The following DMXL1 variants were observed in gnomAD, a reference collection of about 807,000 sequenced individuals.
The protein encoded by DMXL1 is dmX-like protein 1.
In DMXL1, 99 loss-of-function variants were observed where a neutral mutation model predicts 319.2. That is an observed-to-expected ratio of 0.31 (90% CI 0.26 to 0.37). DMXL1 has a LOEUF of 0.37. Ranked by LOEUF, DMXL1 falls within the 10% of genes least tolerant of loss-of-function variation. The pLI is 1.00. For synonymous variants in DMXL1, 1,385 were observed against 1,235.2 expected, an observed-to-expected ratio of 1.12 and a Z score of -2.54; for missense variants, 3,745 against 3,595.6, an observed-to-expected ratio of 1.04 and a Z score of -1.06.
At chr5:119,108,650 G>T (rs1348680724) in intron 4 of DMXL1, among the ~76,000 whole-genome samples, 1 of 152,086 alleles carries the variant, frequency 6.6e-6, no homozygotes, top group Non-Finnish European at 1.5e-5. Context: ...GAACTCCTGG[G>T]CTCAAGCAGT....
At chr5:119,182,590 A>G (rs1470778297) in intron 28 of DMXL1, among the ~76,000 whole-genome samples, 1 of 152,022 alleles carries the variant, frequency 6.6e-6, no homozygotes, top group Non-Finnish European at 1.5e-5. Context: ...TATATACTTA[A>G]TGTATTCTTG....
intron 19 of DMXL1, among the ~76,000 whole-genome samples, chr5:119,162,380 T>G: frequency 6.6e-6 from 1 of 152,138 alleles, no homozygotes; most frequent in Non-Finnish European, 1.5e-5. Flanking sequence ...AATTTGTAAA[T>G]AGGAACAAGT....
At chr5:119,207,829 C>G (rs924728811) in intron 34 of DMXL1, among the ~76,000 whole-genome samples, 2 of 152,250 alleles carry the variant, frequency 1.3e-5, no homozygotes, top group South Asian at 2.1e-4. Context: ...GCCAATTCAA[C>G]TACGACTTTA....
At chr5:119,076,755 AC>A (rs1750972419) in intron 1 of DMXL1, among the ~76,000 whole-genome samples, 1 of 152,212 alleles carries the variant, frequency 6.6e-6, no homozygotes, top group African/African-American at 2.4e-5. Context: ...AAACTAGAAT[AC>A]TGACTGTTAC....
intron 34 of DMXL1, among the ~76,000 whole-genome samples, chr5:119,215,336 C>T (rs1034295598): frequency 6.8e-6 from 1 of 146,944 alleles, no homozygotes; most frequent in Non-Finnish European, 1.5e-5. Flanking sequence ...GAGACAGGGT[C>T]TTGCTCTGTT....
chr5:119,198,858 T>C (rs1385375477), intron 32 of DMXL1, among the ~76,000 whole-genome samples: 2 of 152,188 alleles, frequency 1.3e-5, no homozygotes, highest in African/African-American at 4.8e-5. Flanking sequence ...ATTTCATCAC[T>C]CAGGTAGTAC....
intron 5 of DMXL1, among the ~76,000 whole-genome samples, chr5:119,111,620 G>C (rs950126677): frequency 6.6e-6 from 1 of 152,118 alleles, no homozygotes; most frequent in Non-Finnish European, 1.5e-5. Flanking sequence ...AAAATTAATA[G>C]TTCTAACCGT....
chr5:119,140,596 C>T (rs1767088903), intron 13 of DMXL1, among the ~76,000 whole-genome samples: 1 of 151,938 alleles, frequency 6.6e-6, no homozygotes, highest in South Asian at 2.1e-4. Flanking sequence ...ATACGAGCTC[C>T]GAAATTGAGT....
chr5:119,113,368 A>G (rs1433519261), intron 5 of DMXL1, among the ~76,000 whole-genome samples: 1 of 152,080 alleles, frequency 6.6e-6, no homozygotes, highest in Non-Finnish European at 1.5e-5. Context: ...CAGCCTTCCA[A>G]GTAGCTGGGA....
chr5:119,228,590 A>G (rs1786042534), intron 38 of DMXL1, among the ~76,000 whole-genome samples: 1 of 152,210 alleles, frequency 6.6e-6, no homozygotes, highest in South Asian at 2.1e-4. Context: ...CTTCCCATGC[A>G]ATTTAACATA....
In DMXL1 at chr5:119,206,791, T is replaced by G. The variant is rs3797336; in HGVS notation, c.7864-43T>G. 1.3e-3 allele frequency: 1,556 copies of G among 1,231,142 alleles called. 14 individuals are homozygous for G. The East Asian group carries it at 0.019, about 15-fold the overall frequency. 76.3% of individuals were successfully genotyped at this position (1,231,142 alleles called of 1,614,324 possible). ...TCCCCAGTATTTTGCATGTTACATCTCATCTTTACTCTTTGTCATGTGGTT... is the reference window on the plus strand; with the variant it reads ...TCCCCAGTATTTTGCATGTTACATCGCATCTTTACTCTTTGTCATGTGGTT... On this transcript the variant is annotated intron_variant, in intron 33 of 43. Coordinates refer to ENST00000539542, the MANE Select transcript of DMXL1 (RefSeq NM_001290321.3).
intron 1 of DMXL1, among the ~76,000 whole-genome samples, chr5:119,073,451 A>G (rs1206734999): frequency 1.3e-5 from 2 of 152,138 alleles, no homozygotes; most frequent in Non-Finnish European, 2.9e-5. Flanking sequence ...CTATTTATAT[A>G]CCTGGATGCA....
chr5:119,131,868 C>A (rs750455562), intron 10 of DMXL1, among the ~76,000 whole-genome samples: 1 of 152,068 alleles, frequency 6.6e-6, no homozygotes, highest in Non-Finnish European at 1.5e-5. Context: ...ATCTTGAATC[C>A]ATTTATAAAG....
At chr5:119,113,399 G>A (rs904551254) in intron 5 of DMXL1, among the ~76,000 whole-genome samples, 37 of 152,064 alleles carry the variant, frequency 2.4e-4, no homozygotes, top group African/African-American at 7.7e-4. Context: ...ATGCCACCAC[G>A]CCTGGCTAAT....
At position 119,148,948 on chromosome 5, in the gene DMXL1, A is replaced by G; in HGVS notation, c.3121A>G (p.Thr1041Ala). ...EDGLQSNSSITVPGRPVEVSC... is the reference protein window; with the variant it reads ...EDGLQSNSSIAVPGRPVEVSC... ...TGGACTTCAGAGCAATAGTAGTATA[A>G]CTGTACCTGGTAGGCCTGTAGAAGT... is the stretch of plus-strand genomic sequence containing the variant. The change falls in exon 18 of 44, where the codon ACT becomes GCT. Residue 1041 changes from threonine to alanine, a missense_variant. Thr to Ala is a moderately conservative substitution (Grantham distance 58). This residue lies in a region of DMXL1 where 2,096 missense variants were observed against 1,985.4 expected (regional missense o/e 1.06). Coordinates refer to ENST00000539542, the MANE Select transcript of DMXL1 (RefSeq NM_001290321.3). 6.2e-7 allele frequency: 1 copy of G among 1,613,934 alleles called. No individual in the cohort carries two copies. Among genetic ancestry groups the G allele is most frequent in the Non-Finnish European group, 8.5e-7 (1 of 1,179,846 alleles).
At chr5:119,073,753 G>A (rs1227702602) in intron 1 of DMXL1, among the ~76,000 whole-genome samples, 1 of 152,142 alleles carries the variant, frequency 6.6e-6, no homozygotes, top group African/African-American at 2.4e-5. Context: ...GGATTTAACA[G>A]TCATGGTTTT....
rs531351569 is a variant in DMXL1, at chr5:119,170,544, A to G, written c.5753A>G (p.Lys1918Arg). The change falls in exon 24 of 44, where the codon AAG becomes AGG. Residue 1918 changes from lysine to arginine, a missense_variant. Around this residue, in one of 4 missense-constraint regions of DMXL1, gnomAD observed 1,382 missense variants for 1,269.5 expected, o/e 1.09. Transcript: ENST00000539542. ...SPLKLDARED[K>R]SSAVDWSQSL... ...TTAAAGTTGGATGCAAGGGAAGATA[A>G]GTCTTCTGCTGTTGATTGGTCACAG... 1.9e-6 allele frequency: 3 copies of G among 1,613,832 alleles called. No homozygotes were observed. The highest frequency in any genetic ancestry group is 2.5e-6 in the Non-Finnish European group (3 of 1,179,848).
chr5:119,093,917 C>T lies in DMXL1; in HGVS notation c.88-4062C>T, dbSNP rs543359980. Among the ~76,000 whole-genome samples, 243 of 152,246 alleles carry T rather than the reference C, an allele frequency of 1.6e-3. 3 individuals carry two copies. Among genetic ancestry groups the T allele is most frequent in the South Asian group, 6.2e-4 (3 of 4,824 alleles). On this transcript the variant is annotated intron_variant, in intron 1 of 43. Transcript: ENST00000539542. ...GCAGGACCCTAACTCTTCTCAATTC[C>T]GTGAAGGCTGGGAGAGGTGAGGAAG...
intron 1 of DMXL1, among the ~76,000 whole-genome samples, chr5:119,083,792 C>T (rs1752735426): frequency 2.6e-5 from 4 of 152,298 alleles, no homozygotes; most frequent in African/African-American, 9.6e-5. Context: ...CCTGCCTTGG[C>T]CTCCCAAAAT....
Sources: gnomAD v4.1 joint callset for allele counts (sites outside exome capture counted in the v4.1 genomes callset) on GRCh38, gnomAD v4.1.1 for gene constraint, gnomAD v4.1.1 regional missense constraint, MANE v1.5 for transcripts, NCBI Gene and HGNC (gene_info 2026-07-23, HGNC 2026-07-21) for gene names.